Variants in KCTD1 observed in about 807,000 individuals in gnomAD.
The protein encoded by KCTD1 is potassium channel tetramerization domain containing 1, also known as BTB/POZ domain-containing protein KCTD1.
A neutral mutation model predicts 66.0 loss-of-function variants in KCTD1; 24 were observed. The observed-to-expected ratio is 0.36, with a 90% CI of 0.26 to 0.51. The LOEUF (loss-of-function observed/expected upper bound fraction) is 0.51, where lower values mean the gene tolerates loss of function less well. Among genes scored for constraint, KCTD1 ranks in the 20% least tolerant of loss-of-function variants. The pLI, the probability that KCTD1 is intolerant of heterozygous loss-of-function variation, is 0.95. For missense variants in KCTD1, 943 were observed against 1,205.2 expected (o/e 0.78, Z 3.22); for synonymous variants, 511 against 517.2 (o/e 0.99, Z 0.16).
intron 1 of KCTD1, among the ~76,000 whole-genome samples, chr18:26,640,113 G>A (rs542035645): frequency 6.6e-6 from 1 of 152,274 alleles, no homozygotes; most frequent in South Asian, 2.1e-4. Flanking sequence ...AATTCCAGTG[G>A]TCCAGAGGAG....
At chr18:26,464,109 T>C (rs1980593861) in intron 3 of KCTD1, among the ~76,000 whole-genome samples, 1 of 152,178 alleles carries the variant, frequency 6.6e-6, no homozygotes, top group Non-Finnish European at 1.5e-5. Context: ...CTGTGAGAAA[T>C]TACCACAAAT....
chr18:26,549,763 G>C, upstream of KCTD1: 1 of 985,402 alleles, frequency 1.0e-6, no homozygotes, highest in Non-Finnish European at 1.2e-6. Flanking sequence ...TTCGCCCTCC[G>C]GGCTGCGCTG....
intron 2 of KCTD1, among the ~76,000 whole-genome samples, chr18:26,497,904 C>A (rs986940881): frequency 1.3e-5 from 2 of 152,060 alleles, no homozygotes; most frequent in Admixed American, 1.3e-4. Context: ...CGGGAGTCAT[C>A]CAGGCAAGAA....
Position 26,547,414 on chromosome 18 carries a change from A to G in KCTD1, c.1123T>C (p.Leu375=). The G allele has an allele frequency of 6.4e-7, 1 of 1,551,268 alleles. No individual in the cohort carries two copies. The highest frequency in any genetic ancestry group is 8.7e-7 in the Non-Finnish European group (1 of 1,146,724). Reference sequence around the variant, plus strand: ...GTGCCCGTCTCATACATGCGGGGCAAGTTCTCCTCGTCGCTGCTCTCGGCG... The same window carrying G: ...GTGCCCGTCTCATACATGCGGGGCAGGTTCTCCTCGTCGCTGCTCTCGGCG... ...KRAESSDEEN[L]PRMYETGTEF... Residue 375 remains leucine, a synonymous_variant, in exon 1 of 5, where the codon TTG becomes CTG. Transcript: ENST00000580059.
chr18:26,629,165 C>CT (rs753035175), exon 1 of KCTD1: 15 of 984,990 alleles, frequency 1.5e-5, no homozygotes, highest in African/African-American at 1.7e-5. Flanking sequence ...ATGGATTTGC[C>CT]TTTATTCATC....
intron 1 of KCTD1, among the ~76,000 whole-genome samples, chr18:26,531,597 C>G (rs1984437027): frequency 6.6e-6 from 1 of 152,196 alleles, no homozygotes; most frequent in Non-Finnish European, 1.5e-5. Flanking sequence ...CCTCAGTGTA[C>G]TTAAACTTTG....
intron 1 of KCTD1, among the ~76,000 whole-genome samples, chr18:26,541,689 T>C (rs1984980561): frequency 6.6e-6 from 1 of 152,210 alleles, no homozygotes; most frequent in Admixed American, 6.5e-5. Context: ...CCTGTAGTGC[T>C]AGTGTGGGCA....
chr18:26,513,795 T>C (rs1238245869), intron 1 of KCTD1, among the ~76,000 whole-genome samples: 1 of 152,202 alleles, frequency 6.6e-6, no homozygotes, highest in Admixed American at 6.5e-5. Context: ...AAGGTCAGAA[T>C]TGGAATTCAA....
At chr18:26,554,167 AAAAG>A (rs1400714848) in intron 1 of KCTD1, among the ~76,000 whole-genome samples, 8 of 140,912 alleles carry the variant, frequency 5.7e-5, no homozygotes, top group Admixed American at 3.4e-4. Context: ...GAAGGAAAGA[AAAAG>A]AAAGAAGGAA....
upstream of KCTD1, among the ~76,000 whole-genome samples, chr18:26,642,817 C>T (rs914330875): frequency 8.3e-5 from 12 of 144,530 alleles, no homozygotes; most frequent in East Asian, 2.1e-4. Flanking sequence ...TTTGAAAAGG[C>T]GTAAGAATGC....
At chr18:26,485,892 T>C (rs896785584) in intron 2 of KCTD1, among the ~76,000 whole-genome samples, 1 of 152,046 alleles carries the variant, frequency 6.6e-6, no homozygotes, top group Non-Finnish European at 1.5e-5. Flanking sequence ...ATTAAGAGTA[T>C]CAAGTACTCC....
chr18:26,506,042 AT>A lies in KCTD1; in HGVS notation c.1810-4793del, dbSNP rs879778999. On this transcript the variant is annotated intron_variant, in intron 1 of 4. Transcript: ENST00000580059. ...AGGTGTGCGCCACCACCCCTGGCTA[AT>A]TTTTTTTTTCATGTTTTTAGTAGAA... is the stretch of plus-strand genomic sequence containing the variant. Among the ~76,000 whole-genome samples the A allele has an allele frequency of 3.0e-3, 441 of 148,702 alleles. 1 individual carries two copies. The highest frequency in any genetic ancestry group is 0.01 in the African/African-American group (415 of 40,394).
chr18:26,569,278 G>A (rs1464986513), intron 1 of KCTD1, among the ~76,000 whole-genome samples: 2 of 152,186 alleles, frequency 1.3e-5, no homozygotes, highest in African/African-American at 4.8e-5. Context: ...GCCAGGAATT[G>A]AACCCTGTGC....
chr18:26,600,545 T>C (rs778655173), intron 1 of KCTD1, among the ~76,000 whole-genome samples: 65 of 152,106 alleles, frequency 4.3e-4, no homozygotes, highest in Non-Finnish European at 7.9e-4. Flanking sequence ...CAAGGTATTA[T>C]GGGGCCCGGT....
intron 1 of KCTD1, among the ~76,000 whole-genome samples, chr18:26,512,116 T>A (rs1983366495): frequency 6.6e-6 from 1 of 152,068 alleles, no homozygotes; most frequent in Admixed American, 6.5e-5. Flanking sequence ...GAGATTCTTT[T>A]TTGTGGAGAT....
intron 1 of KCTD1, among the ~76,000 whole-genome samples, chr18:26,609,712 TTC>T (rs1439207487): frequency 1.3e-5 from 2 of 152,234 alleles, no homozygotes; most frequent in African/African-American, 4.8e-5. Flanking sequence ...CAGTAGGATT[TTC>T]TGTTTTCTCA....
chr18:26,606,767 C>G (rs1417226517), intron 1 of KCTD1, among the ~76,000 whole-genome samples: 1 of 152,200 alleles, frequency 6.6e-6, no homozygotes, highest in African/African-American at 2.4e-5. Context: ...CTCAGGTCAG[C>G]ATAATGGCTT....
intron 1 of KCTD1, among the ~76,000 whole-genome samples, chr18:26,617,296 G>A (rs982711760): frequency 6.6e-6 from 1 of 152,208 alleles, no homozygotes; most frequent in Non-Finnish European, 1.5e-5. Context: ...CAAGGAACAG[G>A]CATTACAGTA....
chr18:26,463,733 C>T (rs889431820), intron 3 of KCTD1, among the ~76,000 whole-genome samples: 1 of 152,082 alleles, frequency 6.6e-6, no homozygotes, highest in African/African-American at 2.4e-5. Flanking sequence ...GACGGGGTTT[C>T]GCCATGTTGG....
Sources: allele counts gnomAD v4.1 joint callset (sites outside exome capture counted in the v4.1 genomes callset), GRCh38; gene constraint gnomAD v4.1.1; transcripts MANE v1.5; gene names NCBI Gene and HGNC (gene_info 2026-07-23, HGNC 2026-07-21).